The following CCDC7 variants were observed in gnomAD, a reference collection of about 807,000 sequenced individuals.
CCDC7 encodes the protein coiled-coil domain-containing protein 7.
CCDC7 carries 183 observed loss-of-function variants against 196.9 expected under a neutral mutation model. The observed-to-expected ratio is 0.93, with a 90% CI of 0.82 to 1.05. The LOEUF (loss-of-function observed/expected upper bound fraction) is 1.05. Ranked by LOEUF, CCDC7 falls within the 50% of genes least tolerant of loss-of-function variation. The probability of loss-of-function intolerance (pLI) is 0.00; values close to 1 mark genes in which losing one functional copy is unlikely to be tolerated. For synonymous variants in CCDC7, 525 were observed against 484.6 expected, an observed-to-expected ratio of 1.08 and a Z score of -1.10; for missense variants, 1,540 against 1,482.2, an observed-to-expected ratio of 1.04 and a Z score of -0.64.
chr10:32,556,439 A>C (rs981736461), intron 13 of CCDC7, among the ~76,000 whole-genome samples: 1 of 152,106 alleles, frequency 6.6e-6, no homozygotes, highest in South Asian at 2.1e-4. Flanking sequence ...GAAACATAGA[A>C]ATTTTTATCA....
At chr10:32,629,687 C>T (rs930198964) in intron 18 of CCDC7, among the ~76,000 whole-genome samples, 2 of 151,922 alleles carry the variant, frequency 1.3e-5, no homozygotes, top group African/African-American at 4.8e-5. Context: ...GGAGTAGGCA[C>T]TTTTTCCTTT....
chr10:32,516,482 T>C (rs1324032498), intron 9 of CCDC7, among the ~76,000 whole-genome samples: 1 of 152,090 alleles, frequency 6.6e-6, no homozygotes, highest in Non-Finnish European at 1.5e-5. Flanking sequence ...GAGATGGGGT[T>C]TCACCATGTT....
intron 13 of CCDC7, among the ~76,000 whole-genome samples, chr10:32,564,970 C>T (rs377671645): frequency 4.1e-4 from 63 of 152,086 alleles, no homozygotes; most frequent in African/African-American, 1.4e-3. Context: ...GAGCAAGACC[C>T]TGTCTCTTAA....
At chr10:32,561,915 A>C (rs192981331) in intron 13 of CCDC7, among the ~76,000 whole-genome samples, 7 of 152,324 alleles carry the variant, frequency 4.6e-5, no homozygotes, top group Non-Finnish European at 1.0e-4. Context: ...AATATTAATA[A>C]AGAAGAAAAG....
intron 16 of CCDC7, among the ~76,000 whole-genome samples, chr10:32,582,134 A>ATATATATATATATATATC (rs2058802055): frequency 2.1e-5 from 2 of 94,418 alleles, no homozygotes; most frequent in Non-Finnish European, 4.5e-5. Context: ...ATATATATAT[A>ATATATATATATATATATC]TATATACTTT....
At chr10:32,784,849 A>G (rs2081590221) in intron 29 of CCDC7, among the ~76,000 whole-genome samples, 1 of 151,884 alleles carries the variant, frequency 6.6e-6, no homozygotes, top group Non-Finnish European at 1.5e-5. Context: ...CAAAAGTACA[A>G]AATTTAGCTG....
chr10:32,594,013 G>A (rs2060048656), intron 18 of CCDC7, among the ~76,000 whole-genome samples: 1 of 152,160 alleles, frequency 6.6e-6, no homozygotes, highest in Non-Finnish European at 1.5e-5. Flanking sequence ...TTTGGCTTAG[G>A]ATTGTCTTGG....
chr10:32,562,419 C>T (rs1336438467), intron 13 of CCDC7, among the ~76,000 whole-genome samples: 16 of 152,166 alleles, frequency 1.1e-4, no homozygotes, highest in South Asian at 6.2e-4. Flanking sequence ...ACTGGCAAAC[C>T]GAATCCAGCA....
intron 13 of CCDC7, among the ~76,000 whole-genome samples, chr10:32,545,936 C>A (rs117817285): frequency 6.7e-6 from 1 of 150,142 alleles, no homozygotes; most frequent in Non-Finnish European, 1.5e-5. Context: ...AAAGATGTAG[C>A]CTCTGGAAAA....
chr10:32,650,013 C>G (rs1034587677), intron 20 of CCDC7, among the ~76,000 whole-genome samples: 1 of 152,178 alleles, frequency 6.6e-6, no homozygotes, highest in Non-Finnish European at 1.5e-5. Context: ...TCTGTCATTT[C>G]AGACAATCCA....
rs983165164 is a variant in CCDC7 at position 32,681,780 on chromosome 10, C to T, written c.2123-4190C>T. On this transcript the variant is annotated intron_variant, in intron 21 of 41. Coordinates refer to ENST00000639629, the Ensembl canonical transcript of CCDC7. ...ACACACACACACACACACACACACA[C>T]ACACAGCTTCATACACACATCTGCA... is the stretch of plus-strand genomic sequence containing the variant. Among the ~76,000 whole-genome samples, 31 of 142,940 alleles carry T rather than the reference C, an allele frequency of 2.2e-4. No individual in the cohort carries two copies. In the South Asian group the frequency reaches 6.7e-3, roughly 31 times the overall value. 93.8% of individuals were successfully genotyped at this position (142,940 alleles called of 152,430 possible). A position where few individuals can be genotyped will look rare whatever the true frequency, so the allele number is the denominator to read the frequency against.
At chr10:32,718,189 T>TCCAC (rs1403417176) in intron 25 of CCDC7, among the ~76,000 whole-genome samples, 1 of 152,138 alleles carries the variant, frequency 6.6e-6, no homozygotes, top group African/African-American at 2.4e-5. Flanking sequence ...TCCACCACGA[T>TCCAC]CAGGTCAGCT....
At chr10:32,819,872 A>G (rs570623566) in intron 31 of CCDC7, among the ~76,000 whole-genome samples, 1 of 152,340 alleles carries the variant, frequency 6.6e-6, no homozygotes, top group Non-Finnish European at 1.5e-5. Flanking sequence ...CTGAATGGGC[A>G]AAAACTGGAA....
At position 32,809,676 on chromosome 10, in the gene CCDC7, A is replaced by C. The variant is rs973956851; in HGVS notation, c.3097+4578A>C. ...AGAAATGCAAATCAAAACCACAATG[A>C]GATACCATCTCACACCAGTTAGAAT... On this transcript the variant is annotated intron_variant, in intron 30 of 41. Coordinates refer to ENST00000639629, the Ensembl canonical transcript of CCDC7. Among the ~76,000 whole-genome samples the C allele has an allele frequency of 2.0e-5, 3 of 152,332 alleles. No homozygotes were observed. The East Asian group carries it at 5.8e-4, about 29-fold the overall frequency.
intron 16 of CCDC7, among the ~76,000 whole-genome samples, chr10:32,577,554 T>C (rs1476130425): frequency 6.6e-6 from 1 of 152,118 alleles, no homozygotes; most frequent in African/African-American, 2.4e-5. Flanking sequence ...TCTCAACAAC[T>C]CACCATCATT....
intron 11 of CCDC7, among the ~76,000 whole-genome samples, chr10:32,518,737 T>C (rs1332487275): frequency 6.6e-6 from 1 of 152,134 alleles, no homozygotes; most frequent in Non-Finnish European, 1.5e-5. Flanking sequence ...AAAAGACATT[T>C]CTAGGCCAAA....
In CCDC7 at chr10:32,680,905, T is replaced by C. The variant is rs147348460; in HGVS notation, c.2123-5065T>C. Among the ~76,000 whole-genome samples, 280 of 152,292 alleles carry C rather than the reference T, an allele frequency of 1.8e-3. 5 individuals carry two copies. In the East Asian group the frequency reaches 0.041, roughly 22 times the overall value. ...GAATTTGGGGAAAATTTCACCAGGCTCTCTGACTCATTTAAAGATTCACTG... is the reference window on the plus strand; with the variant it reads ...GAATTTGGGGAAAATTTCACCAGGCCCTCTGACTCATTTAAAGATTCACTG... On this transcript the variant is annotated intron_variant, in intron 21 of 41. Coordinates refer to ENST00000639629, the Ensembl canonical transcript of CCDC7.
At chr10:32,781,444 T>G (rs1390397694) in intron 29 of CCDC7, among the ~76,000 whole-genome samples, 1 of 152,136 alleles carries the variant, frequency 6.6e-6, no homozygotes, top group African/African-American at 2.4e-5. Context: ...TACAAAAAAT[T>G]ATACATCATG....
intron 28 of CCDC7, among the ~76,000 whole-genome samples, chr10:32,755,020 T>C (rs1424936406): frequency 6.6e-6 from 1 of 152,144 alleles, no homozygotes; most frequent in Admixed American, 6.5e-5. Context: ...CACTCACTGC[T>C]AGCACGGCAG....
Sources: gnomAD v4.1 joint callset for allele counts (sites outside exome capture counted in the v4.1 genomes callset) on GRCh38, gnomAD v4.1.1 for gene constraint, MANE v1.5 for transcripts, NCBI Gene and HGNC (gene_info 2026-07-23, HGNC 2026-07-21) for gene names.